LARP4: variants seen among roughly 807,000 people sequenced by gnomAD.
The protein encoded by LARP4 is La ribonucleoprotein 4.
A neutral mutation model predicts 92.9 loss-of-function variants in LARP4; 29 were observed. The observed-to-expected ratio is 0.31, with a 90% CI of 0.23 to 0.43. The LOEUF is 0.43. Among genes scored for constraint, LARP4 ranks in the 20% least tolerant of loss-of-function variants. LARP4 has a pLI of 1.00. For synonymous variants in LARP4, 279 were observed against 284.1 expected (o/e 0.98, Z 0.18); for missense variants, 732 against 860.0 (o/e 0.85, Z 1.86).
Position 50,453,505 on chromosome 12 carries a change from C to T in LARP4, c.850C>T (p.Arg284Ter). The T allele has an allele frequency of 6.2e-7, 1 of 1,612,960 alleles. No individual in the cohort carries two copies. Among genetic ancestry groups the T allele is most frequent in the Non-Finnish European group, 8.5e-7 (1 of 1,179,190 alleles). Residue 284 changes from arginine (R) to a stop codon, truncating the protein, a stop_gained, in exon 9 of 16, where the codon CGA becomes TGA. Transcript: ENST00000398473. LOFTEE classifies it high-confidence loss of function. ...INTFFAKNGY[R>*]LMDSSIYSHP... ...TACATTTTTTGCTAAGAATGGTTAT[C>T]GATTAATGGATTCTAGTATCTATAG...
At chr12:50,443,252 A>G (rs570825510) in intron 8 of LARP4, among the ~76,000 whole-genome samples, 147 of 152,108 alleles carry the variant, frequency 9.7e-4, no homozygotes, top group Non-Finnish European at 1.7e-3. Context: ...CTGAACCAAT[A>G]TGGCTGTTTT....
intron 8 of LARP4, among the ~76,000 whole-genome samples, chr12:50,442,046 T>C (rs1257228760): frequency 6.6e-6 from 1 of 152,156 alleles, no homozygotes; most frequent in Non-Finnish European, 1.5e-5. Context: ...CAAGACCTTG[T>C]CTCAAAAACA....
chr12:50,426,732 G>GTGTGTGTGTGTGGT (rs1948838581), intron 1 of LARP4, among the ~76,000 whole-genome samples: 14 of 52,096 alleles, frequency 2.7e-4, no homozygotes, highest in South Asian at 7.6e-4. Context: ...TGTGTGTGTG[G>GTGTGTGTGTGTGGT]TTTTTTTTTT....
At chr12:50,464,949 C>T (rs1374570272) in intron 12 of LARP4, among the ~76,000 whole-genome samples, 2 of 152,168 alleles carry the variant, frequency 1.3e-5, no homozygotes, top group African/African-American at 4.8e-5. Flanking sequence ...CTCGGCCTCC[C>T]AAAGTGCTGG....
chr12:50,443,735 C>T (rs926935010), intron 8 of LARP4, among the ~76,000 whole-genome samples: 4 of 152,190 alleles, frequency 2.6e-5, no homozygotes, highest in Non-Finnish European at 5.9e-5. Flanking sequence ...CCTCAGCCTC[C>T]GGCGTAGCTG....
At chr12:50,405,640 A>G (rs1429862789) in intron 1 of LARP4, among the ~76,000 whole-genome samples, 1 of 151,812 alleles carries the variant, frequency 6.6e-6, no homozygotes, top group Non-Finnish European at 1.5e-5. Flanking sequence ...TTTTTGCTCA[A>G]GCTGAAATTT....
rs1957585415 is a variant in LARP4, at chr12:50,477,051, G to A, written c.*1187G>A. ...TTTTAAAGGCTTAATTTGGGAGGGG[G>A]GACTTATTTCTGTTTACAGTGTATT... On this transcript the variant is annotated 3_prime_UTR_variant, in exon 16 of 16. Transcript: ENST00000398473. The A allele has an allele frequency of 6.6e-6, 1 of 152,276 alleles. No individual in the cohort carries two copies. The highest frequency in any genetic ancestry group is 1.5e-5 in the Non-Finnish European group (1 of 67,952). 9.4% of individuals were successfully genotyped at this position (152,276 alleles called of 1,614,324 possible). A position where few individuals can be genotyped will look rare whatever the true frequency, so the allele number is the denominator to read the frequency against.
chr12:50,408,918 G>A (rs1271644857), intron 1 of LARP4, among the ~76,000 whole-genome samples: 1 of 152,008 alleles, frequency 6.6e-6, no homozygotes, highest in Non-Finnish European at 1.5e-5. Context: ...TGAGGTGGGA[G>A]GATTACTTGA....
intron 1 of LARP4, among the ~76,000 whole-genome samples, chr12:50,405,331 A>AG (rs1459336732): frequency 3.9e-5 from 6 of 152,210 alleles, no homozygotes. Context: ...ATTGTTTGTA[A>AG]GTTTGAAACT....
In LARP4 at chr12:50,477,384, A is replaced by G. The variant is rs1957607755; in HGVS notation, c.*1520A>G. 6.6e-6 allele frequency: 1 copy of G among 152,582 alleles called. No homozygotes were observed. The highest frequency in any genetic ancestry group is 6.5e-5 in the Admixed American group (1 of 15,274). The allele number at this position is 152,582 out of a possible 1,614,324, so 9.5% of individuals were successfully genotyped here. On this transcript the variant is annotated 3_prime_UTR_variant, in exon 16 of 16. Transcript: ENST00000398473. ...TTTCTTTTAAGGGATAGTTTGTAATAGTAAGAACTGTCCCATATGTTAGTA... is the reference window on the plus strand; with the variant it reads ...TTTCTTTTAAGGGATAGTTTGTAATGGTAAGAACTGTCCCATATGTTAGTA...
At chr12:50,407,799 G>A (rs943022152) in intron 1 of LARP4, among the ~76,000 whole-genome samples, 3 of 152,062 alleles carry the variant, frequency 2.0e-5, no homozygotes, top group African/African-American at 7.2e-5. Context: ...CTCCAGCCTG[G>A]GTGACAGTGA....
intron 1 of LARP4, among the ~76,000 whole-genome samples, chr12:50,424,360 C>CT (rs1022740121): frequency 0.011 from 1,565 of 141,468 alleles, 9 homozygotes; most frequent in African/African-American, 0.018. Flanking sequence ...ACTGGCTGTC[C>CT]TTTTTTTTTT....
chr12:50,468,060 A>C (rs1037111561), intron 13 of LARP4, among the ~76,000 whole-genome samples: 2 of 151,742 alleles, frequency 1.3e-5, no homozygotes, highest in African/African-American at 4.8e-5. Flanking sequence ...GCTCACTGCA[A>C]CCTCCACCTC....
At position 50,410,326 on chromosome 12, in the gene LARP4, G is replaced by A. The variant is rs149688829; in HGVS notation, c.18+9298G>A. ...GGCCTCAAACGATCCTCCCATCTTG[G>A]CCTCCCAAAGTGCTGCGATTACAGG... On this transcript the variant is annotated intron_variant, in intron 1 of 15. Coordinates refer to ENST00000398473, the MANE Select transcript of LARP4 (RefSeq NM_052879.5). 4.1e-3 allele frequency among the ~76,000 whole-genome samples: 622 copies of A among 151,904 alleles called. 3 individuals carry two copies. Among genetic ancestry groups the A allele is most frequent in the Middle Eastern group, 0.027 (8 of 292 alleles).
intron 1 of LARP4, chr12:50,415,696 G>T (rs10783359): frequency 0.71 from 101,763 of 143,150 alleles, 41,798 homozygotes; most frequent in Non-Finnish European, 0.93. Context: ...TCTTTTTTTT[G>T]TTTTTTTTTT....
chr12:50,464,077 C>T (rs925749463), intron 12 of LARP4, among the ~76,000 whole-genome samples: 2 of 152,220 alleles, frequency 1.3e-5, no homozygotes, highest in African/African-American at 4.8e-5. Context: ...TCCAGTGTTG[C>T]TTCCACATTT....
At chr12:50,428,177 G>C (rs541329447) in intron 2 of LARP4, among the ~76,000 whole-genome samples, 1 of 151,756 alleles carries the variant, frequency 6.6e-6, no homozygotes, top group South Asian at 2.1e-4. Context: ...CCCACACCCG[G>C]TTACCACACC....
intron 4 of LARP4, among the ~76,000 whole-genome samples, chr12:50,433,872 T>C (rs887679373): frequency 3.9e-5 from 6 of 152,110 alleles, no homozygotes; most frequent in African/African-American, 1.4e-4. Context: ...ACTCCTGATA[T>C]CAGGTGATCC....
chr12:50,437,702 C>T (rs374666129), intron 5 of LARP4, 33 bp from the exon 6 acceptor site: 28 of 1,238,660 alleles, frequency 2.3e-5, no homozygotes, highest in South Asian at 6.3e-5. Context: ...CTACTTGTCA[C>T]GTTTGAGTGA....
Sources: allele counts gnomAD v4.1 joint callset (sites outside exome capture counted in the v4.1 genomes callset), GRCh38; gene constraint gnomAD v4.1.1; transcripts MANE v1.5; gene names NCBI Gene and HGNC (gene_info 2026-07-23, HGNC 2026-07-21).